Variants in ADAMTSL1 observed in about 807,000 individuals in gnomAD.
ADAMTSL1 encodes the protein ADAMTS like 1, also known as ADAMTS-like protein 1.
In ADAMTSL1, 126 loss-of-function variants were observed where a neutral mutation model predicts 201.8. The observed-to-expected ratio is 0.62, with a 90% CI of 0.54 to 0.72. The LOEUF (loss-of-function observed/expected upper bound fraction) is 0.72. Among genes scored for constraint, ADAMTSL1 ranks in the 30% least tolerant of loss-of-function variants. ADAMTSL1 has a pLI of 0.00. For synonymous variants in ADAMTSL1, 1,121 were observed against 903.4 expected, an observed-to-expected ratio of 1.24 and a Z score of -4.32; for missense variants, 2,679 against 2,277.8, an observed-to-expected ratio of 1.18 and a Z score of -3.59.
chr9:18,765,247 A>C (rs1225136638), intron 16 of ADAMTSL1, among the ~76,000 whole-genome samples: 1 of 152,238 alleles, frequency 6.6e-6, no homozygotes, highest in Non-Finnish European at 1.5e-5. Flanking sequence ...CCATACTCCT[A>C]CAAATTCAGC....
intron 2 of ADAMTSL1, among the ~76,000 whole-genome samples, chr9:18,404,450 C>G (rs1329257491): frequency 2.6e-5 from 4 of 152,162 alleles, no homozygotes; most frequent in Non-Finnish European, 4.4e-5. Context: ...GCTTTGAACC[C>G]ATGGGGAGCA....
chr9:18,360,315 A>G (rs1046349330), intron 2 of ADAMTSL1, among the ~76,000 whole-genome samples: 2 of 152,204 alleles, frequency 1.3e-5, no homozygotes, highest in Non-Finnish European at 2.9e-5. Context: ...AACATGTTGA[A>G]GGGAAACAGA....
chr9:18,298,637 T>C (rs16936564), intron 2 of ADAMTSL1, among the ~76,000 whole-genome samples: 2 of 147,328 alleles, frequency 1.4e-5, no homozygotes, highest in East Asian at 2.0e-4. Flanking sequence ...AATTACCCTA[T>C]AAAGCAAGCA....
intron 2 of ADAMTSL1, among the ~76,000 whole-genome samples, chr9:18,296,543 T>C (rs561919877): frequency 6.6e-6 from 1 of 152,284 alleles, no homozygotes; most frequent in East Asian, 1.9e-4. Flanking sequence ...CATATACATA[T>C]AAATAAATTT....
chr9:18,198,131 G>A (rs1176023004), intron 2 of ADAMTSL1, among the ~76,000 whole-genome samples: 6 of 152,046 alleles, frequency 3.9e-5, no homozygotes, highest in African/African-American at 9.7e-5. Flanking sequence ...AGGCTTAAAC[G>A]TTAGACCTAA....
At chr9:18,874,484 G>A (rs1343007508) in intron 23 of ADAMTSL1, among the ~76,000 whole-genome samples, 6 of 151,908 alleles carry the variant, frequency 3.9e-5, no homozygotes. Context: ...TTTTGCTGAG[G>A]GTTCTAATCC....
rs140160945 is a variant in ADAMTSL1 at position 18,060,802 on chromosome 9, T to C, written c.88-103060T>C. ...AATTTTATGTTAAGAATCAATGTCA[T>C]TGCTAATCTTTTTGCATATTCAGTA... On this transcript the variant is annotated intron_variant, in intron 1 of 29. Coordinates refer to the ADAMTSL1 transcript ENST00000680146. Among the ~76,000 whole-genome samples the C allele has an allele frequency of 5.3e-3, 808 of 152,294 alleles. 6 individuals are homozygous for C. Among genetic ancestry groups the C allele is most frequent in the African/African-American group, 0.018 (761 of 41,572 alleles).
intron 2 of ADAMTSL1, among the ~76,000 whole-genome samples, chr9:18,217,999 C>G (rs1830116169): frequency 6.6e-6 from 1 of 151,996 alleles, no homozygotes; most frequent in Non-Finnish European, 1.5e-5. Context: ...TCAAAACCAG[C>G]TATTAATCTG....
intron 2 of ADAMTSL1, among the ~76,000 whole-genome samples, chr9:18,444,976 A>G (rs1270763743): frequency 6.6e-6 from 1 of 152,116 alleles, no homozygotes; most frequent in Non-Finnish European, 1.5e-5. Flanking sequence ...GAGAAAACTG[A>G]AAGTCAGAGA....
rs60877701 is a variant in ADAMTSL1, at chr9:18,099,356, T to TATATATATATATATATATATATA, written c.88-64506_88-64505insATATATATATATATATATATATA. ...ATATATATATATATATATATATATA[T>TATATATATATATATATATATATA]TTTTTTTTTTTTTTTTAACATCCAT... On this transcript the variant is annotated intron_variant, in intron 1 of 29. Coordinates refer to the ADAMTSL1 transcript ENST00000680146. 2.3e-3 allele frequency among the ~76,000 whole-genome samples: 90 copies of TATATATATATATATATATATATA among 39,548 alleles called. 2 individuals are homozygous for TATATATATATATATATATATATA. The highest frequency in any genetic ancestry group is 2.7e-3 in the South Asian group (3 of 1,098). 25.9% of individuals were successfully genotyped at this position (39,548 alleles called of 152,430 possible). A position where few individuals can be genotyped will look rare whatever the true frequency, so the allele number is the denominator to read the frequency against.
chr9:18,629,985 T>TTG (rs1826644381), intron 5 of ADAMTSL1, among the ~76,000 whole-genome samples: 1 of 152,192 alleles, frequency 6.6e-6, no homozygotes, highest in Non-Finnish European at 1.5e-5. Context: ...GTGCTGTTTT[T>TTG]TTTGTTTGTT....
At chr9:18,109,020 T>G (rs944215561) in intron 1 of ADAMTSL1, among the ~76,000 whole-genome samples, 1 of 152,142 alleles carries the variant, frequency 6.6e-6, no homozygotes, top group Non-Finnish European at 1.5e-5. Flanking sequence ...CTATAGTTTT[T>G]TTGCAACTCA....
chr9:17,972,505 A>G (rs946892720), intron 1 of ADAMTSL1, among the ~76,000 whole-genome samples: 17 of 151,354 alleles, frequency 1.1e-4, no homozygotes, highest in Non-Finnish European at 1.9e-4. Context: ...ATCATTTTTT[A>G]TGGCTGCATA....
At chr9:18,025,701 G>A (rs1443554807) in intron 1 of ADAMTSL1, among the ~76,000 whole-genome samples, 3 of 152,016 alleles carry the variant, frequency 2.0e-5, no homozygotes, top group African/African-American at 7.2e-5. Flanking sequence ...CTCTAGCTTT[G>A]TTCTTTTTGC....
At chr9:18,359,225 A>C (rs185542805) in intron 2 of ADAMTSL1, among the ~76,000 whole-genome samples, 3 of 152,324 alleles carry the variant, frequency 2.0e-5, no homozygotes, top group East Asian at 3.9e-4. Flanking sequence ...AGTTTTGTGT[A>C]TAAAGATATC....
intron 1 of ADAMTSL1, among the ~76,000 whole-genome samples, chr9:18,140,852 C>G (rs1826368006): frequency 6.6e-6 from 1 of 152,056 alleles, no homozygotes; most frequent in South Asian, 2.1e-4. Flanking sequence ...ATAAAGATCC[C>G]AGAATAGTTA....
intron 2 of ADAMTSL1, among the ~76,000 whole-genome samples, chr9:18,363,343 G>A (rs1420094997): frequency 2.0e-5 from 3 of 152,194 alleles, no homozygotes; most frequent in Non-Finnish European, 4.4e-5. Flanking sequence ...AGTTGTGTAG[G>A]CAATCCAATT....
At chr9:18,601,901 G>T (rs989695600) in intron 4 of ADAMTSL1, among the ~76,000 whole-genome samples, 3 of 151,964 alleles carry the variant, frequency 2.0e-5, no homozygotes, top group African/African-American at 7.2e-5. Flanking sequence ...AAGGTTCTTA[G>T]AACTTTTAAA....
At chr9:18,739,825 G>T (rs3885031) in intron 15 of ADAMTSL1, among the ~76,000 whole-genome samples, 72,456 of 151,872 alleles carry the variant, frequency 0.48, 17,669 homozygotes, top group South Asian at 0.6. Context: ...GCCCACAGGG[G>T]TGTGTATGTG....
Sources: gnomAD v4.1 joint callset for allele counts (sites outside exome capture counted in the v4.1 genomes callset) on GRCh38, gnomAD v4.1.1 for gene constraint, MANE v1.5 for transcripts, NCBI Gene and HGNC (gene_info 2026-07-23, HGNC 2026-07-21) for gene names.